Variants in PRKCZ observed in about 807,000 individuals in gnomAD.
PRKCZ encodes the protein protein kinase C zeta type.
A neutral mutation model predicts 79.5 loss-of-function variants in PRKCZ; 33 were observed. The observed-to-expected ratio is 0.41, with a 90% confidence interval of 0.31 to 0.55. The LOEUF (loss-of-function observed/expected upper bound fraction) is 0.55. Among genes scored for constraint, PRKCZ ranks in the 20% least tolerant of loss-of-function variants. The pLI is 0.19. For missense variants in PRKCZ, 578 were observed against 813.5 expected, an observed-to-expected ratio of 0.71 and a Z score of 3.52; for synonymous variants, 342 against 320.9, an observed-to-expected ratio of 1.07 and a Z score of -0.70.
intron 9 of PRKCZ, among the ~76,000 whole-genome samples, chr1:2,153,990 G>T (rs563561018): frequency 1.8e-4 from 27 of 152,190 alleles, no homozygotes; most frequent in Non-Finnish European, 3.5e-4. Flanking sequence ...CCAGCCCCAC[G>T]CAGGGCCTTG....
At chr1:2,052,920 C>G (rs975345765) in intron 1 of PRKCZ, among the ~76,000 whole-genome samples, 4 of 152,200 alleles carry the variant, frequency 2.6e-5, no homozygotes, top group Admixed American at 2.0e-4. Flanking sequence ...CCTGTCCTCC[C>G]AGGGCCCTCT....
intron 10 of PRKCZ, among the ~76,000 whole-genome samples, chr1:2,166,387 C>T (rs1358281277): frequency 6.6e-6 from 1 of 152,220 alleles, no homozygotes; most frequent in African/African-American, 2.4e-5. Context: ...CCACTGCACT[C>T]CAGCCTGAGT....
intron 9 of PRKCZ, among the ~76,000 whole-genome samples, chr1:2,154,097 G>A (rs1468653009): frequency 6.6e-6 from 1 of 152,210 alleles, no homozygotes; most frequent in African/African-American, 2.4e-5. Context: ...CGGGGCCACA[G>A]TGGGTGGGTG....
chr1:2,049,228 A>G (rs1011821075), upstream of PRKCZ: 1 of 152,508 alleles, frequency 6.6e-6, no homozygotes, highest in Non-Finnish European at 1.5e-5. Context: ...TGTATTTAAA[A>G]CGTGTGAGTG....
Position 2,172,012 on chromosome 1 carries a change from T to C in PRKCZ, c.1062-43T>C, listed in dbSNP as rs750218865. 3 of 1,555,486 alleles carry C rather than the reference T, an allele frequency of 1.9e-6. No individual in the cohort carries two copies. The African/African-American group carries it at 4.1e-5, about 21-fold the overall frequency. On this transcript the variant is annotated intron_variant, in intron 11 of 17. Transcript: ENST00000378567. This position sits in a 1 kb window ranked among gnomAD's most constrained non-coding sequence, Gnocchi z 7.8. ...CCAGGCTGGAGCTGTTGGCGCAGCCTCTGGCACAGGCACTGCCCCCATGAC... is the reference window on the plus strand; with the variant it reads ...CCAGGCTGGAGCTGTTGGCGCAGCCCCTGGCACAGGCACTGCCCCCATGAC...
intron 10 of PRKCZ, 106 bp downstream of exon 10, chr1:2,156,198 A>C: frequency 9.1e-7 from 1 of 1,097,814 alleles, no homozygotes; most frequent in Non-Finnish European, 1.4e-6. Context: ...AGGTTCTCCC[A>C]GTTGCTGTAC....
intron 3 of PRKCZ, among the ~76,000 whole-genome samples, chr1:2,057,020 G>A (rs1042273558): frequency 2.0e-5 from 3 of 152,098 alleles, no homozygotes; most frequent in African/African-American, 4.8e-5. Flanking sequence ...GAGCCACCGC[G>A]CCCGGCCTTT....
At chr1:2,085,700 C>A (rs1390569389) in intron 4 of PRKCZ, among the ~76,000 whole-genome samples, 2 of 118,264 alleles carry the variant, frequency 1.7e-5, no homozygotes, top group Non-Finnish European at 3.6e-5. Flanking sequence ...GGGCTGAGGA[C>A]GTCGGGGGGC....
At chr1:2,156,808 G>A (rs1443120250) in intron 10 of PRKCZ, 1 of 152,498 alleles carries the variant, frequency 6.6e-6, no homozygotes, top group Non-Finnish European at 1.5e-5. Context: ...TTTTTGTCAA[G>A]GGCTGGTCAT....
At chr1:2,169,672 TGGG>T (rs1233939804) in intron 11 of PRKCZ, 68 bp downstream of exon 11, 15 of 386,574 alleles carry the variant, frequency 3.9e-5, no homozygotes, top group Non-Finnish European at 4.7e-5. Context: ...CGTGCGGTGT[TGGG>T]GGGCTGGGTG....
At chr1:2,053,527 G>A (rs1022989582) in intron 1 of PRKCZ, among the ~76,000 whole-genome samples, 6 of 152,176 alleles carry the variant, frequency 3.9e-5, no homozygotes, top group Admixed American at 2.0e-4. Context: ...AGTCCTGGAC[G>A]CCCCTGCTGA....
chr1:2,165,675 G>A lies in PRKCZ; in HGVS notation c.975-3843G>A, dbSNP rs1293486530. On this transcript the variant is annotated intron_variant, in intron 10 of 17. Transcript: ENST00000378567. This position sits in a 1 kb window ranked among gnomAD's most constrained non-coding sequence, Gnocchi z 4.1. Reference sequence around the variant, plus strand: ...ACTGCGTGAAGGGACGCGTGTGGCCGTGTTCCACCAGAACTTTCTGTACAC... The same window carrying A: ...ACTGCGTGAAGGGACGCGTGTGGCCATGTTCCACCAGAACTTTCTGTACAC... Among the ~76,000 whole-genome samples the A allele has an allele frequency of 1.3e-5, 2 of 152,176 alleles. No individual in the cohort carries two copies. The highest frequency in any genetic ancestry group is 2.9e-5 in the Non-Finnish European group (2 of 68,012).
chr1:2,058,306 ATTTTTTT>A (rs35722361), intron 3 of PRKCZ, among the ~76,000 whole-genome samples: 5 of 125,342 alleles, frequency 4.0e-5, no homozygotes, highest in South Asian at 2.5e-4. Context: ...CCCGGCCCCA[ATTTTTTT>A]TTTTTTTTTT....
intron 4 of PRKCZ, among the ~76,000 whole-genome samples, chr1:2,121,390 A>T (rs1178206180): frequency 6.8e-6 from 1 of 146,092 alleles, no homozygotes; most frequent in Non-Finnish European, 1.5e-5. Context: ...TGAAGCCCTA[A>T]CCCTCCAGTG....
Position 2,125,354 on chromosome 1 carries a change from A to G in PRKCZ, c.335-9908A>G, listed in dbSNP as rs1673664664. On this transcript the variant is annotated intron_variant, in intron 4 of 17. Coordinates refer to ENST00000378567, the MANE Select transcript of PRKCZ (RefSeq NM_002744.6). The surrounding 1 kb of genome is among the most constrained non-coding windows in gnomAD (Gnocchi z 4.2). The stretch of plus-strand genomic sequence containing the variant: ...ATTTTGTATTACAACAAATTAGGAT[A>G]TTTTCAGTAGAACTGATTGTAAGGC... 6.6e-6 allele frequency among the ~76,000 whole-genome samples: 1 copy of G among 152,220 alleles called. No homozygotes were observed. The highest frequency in any genetic ancestry group is 2.4e-5 in the African/African-American group (1 of 41,456).
At chr1:2,059,650 G>A (rs544652421) in intron 4 of PRKCZ, 59 bp downstream of exon 4, 24 of 1,603,070 alleles carry the variant, frequency 1.5e-5, no homozygotes, top group African/African-American at 1.3e-4. Context: ...CTGTTGATCC[G>A]TTGTGCCACG....
intron 4 of PRKCZ, among the ~76,000 whole-genome samples, chr1:2,068,140 C>T (rs1033212835): frequency 9.2e-5 from 14 of 152,372 alleles, no homozygotes; most frequent in African/African-American, 2.9e-4. Flanking sequence ...CAAAGACCTC[C>T]GAGCAGCTCC....
chr1:2,149,728 G>A lies in PRKCZ; in HGVS notation c.687+804G>A, dbSNP rs1679445478. Among the ~76,000 whole-genome samples, 1 of 152,184 alleles carries A rather than the reference G, an allele frequency of 6.6e-6. No homozygotes were observed. The highest frequency in any genetic ancestry group is 1.5e-5 in the Non-Finnish European group (1 of 68,034). ...ACAAAATAATTAGCTGGGCATGGTG[G>A]CACGGGCCTGTGGTCCTAGCTGCTT... On this transcript the variant is annotated intron_variant, in intron 8 of 17. Coordinates refer to ENST00000378567, the MANE Select transcript of PRKCZ (RefSeq NM_002744.6). The surrounding 1 kb of genome is among the most constrained non-coding windows in gnomAD (Gnocchi z 4.1).
At chr1:2,093,798 C>T (rs1017722824) in intron 4 of PRKCZ, among the ~76,000 whole-genome samples, 1 of 151,994 alleles carries the variant, frequency 6.6e-6, no homozygotes, top group African/African-American at 2.4e-5. Context: ...TCCCTGCGGC[C>T]TGCCCCGCCT....
Sources: allele counts gnomAD v4.1 joint callset (sites outside exome capture counted in the v4.1 genomes callset), GRCh38; gene constraint gnomAD v4.1.1; non-coding constraint Gnocchi (gnomAD v3.1); transcripts MANE v1.5; gene names NCBI Gene and HGNC (gene_info 2026-07-23, HGNC 2026-07-21).